L3MBTL3: variants seen among roughly 807,000 people sequenced by gnomAD.
L3MBTL3 encodes lethal(3)malignant brain tumor-like protein 3.
In L3MBTL3, 27 loss-of-function variants were observed where a neutral mutation model predicts 102.3. The ratio of observed to expected loss-of-function variants is 0.26; its 90% CI spans 0.19 to 0.36. The LOEUF (loss-of-function observed/expected upper bound fraction) is 0.36, where lower values mean the gene tolerates loss of function less well. Among genes scored for constraint, L3MBTL3 ranks in the 10% least tolerant of loss-of-function variants. The probability of loss-of-function intolerance (pLI) is 1.00; values close to 1 mark genes in which losing one functional copy is unlikely to be tolerated. For synonymous variants in L3MBTL3, 340 were observed against 320.9 expected, an observed-to-expected ratio of 1.06 and a Z score of -0.64; for missense variants, 798 against 955.3, an observed-to-expected ratio of 0.84 and a Z score of 2.17.
chr6:130,055,394 A>G, intron 8 of L3MBTL3, 139 bp downstream of exon 8: 1 of 648,070 alleles, frequency 1.5e-6, no homozygotes, highest in Middle Eastern at 2.7e-4. Flanking sequence ...AAGATTTGAG[A>G]TTTTGAGGAT....
intron 8 of L3MBTL3, 85 bp downstream of exon 8, chr6:130,055,340 T>C: frequency 1.1e-6 from 1 of 933,504 alleles, no homozygotes; most frequent in South Asian, 1.6e-5. Context: ...TCATGCCACT[T>C]AAAGTATTAC....
chr6:130,077,573 T>G (rs2115058418), intron 13 of L3MBTL3, among the ~76,000 whole-genome samples: 1 of 152,366 alleles, frequency 6.6e-6, no homozygotes, highest in Admixed American at 6.5e-5. Context: ...CAATGTATTA[T>G]TGTCCCAGGC....
At chr6:130,110,123 A>G (rs1266967737) in intron 19 of L3MBTL3, among the ~76,000 whole-genome samples, 4 of 152,168 alleles carry the variant, frequency 2.6e-5, no homozygotes. Context: ...GTTTGAAGTC[A>G]GGTAGTGTGA....
In L3MBTL3 at chr6:130,066,286, G is replaced by GTGTATATATATATATATATA. The variant is rs1554227522; in HGVS notation, c.865-66_865-65insGTATATATATATATATATAT. 2.8e-5 allele frequency: 11 copies of GTGTATATATATATATATATA among 387,692 alleles called. 1 individual carries two copies. The highest frequency in any genetic ancestry group is 5.5e-5 in the Admixed American group (1 of 18,240). 24.0% of individuals were successfully genotyped at this position (387,692 alleles called of 1,614,324 possible). A position where few individuals can be genotyped will look rare whatever the true frequency, so the allele number is the denominator to read the frequency against. The stretch of plus-strand genomic sequence containing the variant: ...GCCTGGTGTCCATGTTTATTTTTGT[G>GTGTATATATATATATATATA]TATATATATATATATATGAATATTC... On this transcript the variant is annotated intron_variant, in intron 10 of 22. Coordinates refer to ENST00000361794, the MANE Select transcript of L3MBTL3 (RefSeq NM_032438.4).
intron 19 of L3MBTL3, among the ~76,000 whole-genome samples, chr6:130,117,577 C>A (rs1286461997): frequency 6.6e-6 from 1 of 152,152 alleles, no homozygotes; most frequent in Admixed American, 6.6e-5. Flanking sequence ...AATTCTAGAA[C>A]AAGGATTTCA....
chr6:130,025,024 C>T (rs1343526283), intron 2 of L3MBTL3, among the ~76,000 whole-genome samples: 1 of 152,084 alleles, frequency 6.6e-6, no homozygotes, highest in Non-Finnish European at 1.5e-5. Context: ...AGCCCTTCAC[C>T]CACAGTCAAG....
intron 20 of L3MBTL3, among the ~76,000 whole-genome samples, chr6:130,123,585 C>T (rs1258721551): frequency 6.6e-6 from 1 of 152,126 alleles, no homozygotes; most frequent in Non-Finnish European, 1.5e-5. Flanking sequence ...GTTTCTGAAA[C>T]ATTTTGAATA....
At chr6:130,109,747 T>C (rs1785234916) in intron 19 of L3MBTL3, among the ~76,000 whole-genome samples, 2 of 152,206 alleles carry the variant, frequency 1.3e-5, no homozygotes, top group Non-Finnish European at 2.9e-5. Flanking sequence ...TTTGTTGCAG[T>C]TGCTTTTGGT....
In L3MBTL3 at chr6:130,140,060, G is replaced by C. The variant is rs973301488; in HGVS notation, c.*307G>C. 1 of 174,942 alleles carries C rather than the reference G, an allele frequency of 5.7e-6. No homozygotes were observed. Among genetic ancestry groups the C allele is most frequent in the Non-Finnish European group, 1.2e-5 (1 of 85,524 alleles). The allele number at this position is 174,942 out of a possible 1,614,324, so 10.8% of individuals were successfully genotyped here. A position where few individuals can be genotyped will look rare whatever the true frequency, so the allele number is the denominator to read the frequency against. ...GGCTTCATTAATTATTTATGGTAATGGGGGGCAGAGTAAGAACTTTTGGCA... is the reference window on the plus strand; with the variant it reads ...GGCTTCATTAATTATTTATGGTAATCGGGGGCAGAGTAAGAACTTTTGGCA... On this transcript the variant is annotated 3_prime_UTR_variant, in exon 23 of 23. Transcript: ENST00000361794.
chr6:130,075,874 C>T (rs951403883), intron 13 of L3MBTL3, among the ~76,000 whole-genome samples: 49 of 152,112 alleles, frequency 3.2e-4, no homozygotes, highest in Non-Finnish European at 5.7e-4. Flanking sequence ...AAATTTGATA[C>T]GAGGGTGATG....
At chr6:130,036,868 G>T (rs1407238597) in intron 2 of L3MBTL3, among the ~76,000 whole-genome samples, 1 of 152,090 alleles carries the variant, frequency 6.6e-6, no homozygotes, top group Non-Finnish European at 1.5e-5. Context: ...CCAGATTTTC[G>T]GAGGAGAACA....
In L3MBTL3 at chr6:130,058,151, A is replaced by G. The variant is rs1371605782; in HGVS notation, c.759+654A>G. Among the ~76,000 whole-genome samples, 81 of 22,708 alleles carry G rather than the reference A, an allele frequency of 3.6e-3. 1 individual carries two copies. Among genetic ancestry groups the G allele is most frequent in the African/African-American group, 4.4e-3 (79 of 18,096 alleles). The allele number at this position is 22,708 out of a possible 152,430, so 14.9% of individuals were successfully genotyped here. ...GGCAACAGAGCAAGACTCCGTCTCAAAAAAAAAAAAAAAAAAAAAAAAAAA... is the reference window on the plus strand; with the variant it reads ...GGCAACAGAGCAAGACTCCGTCTCAGAAAAAAAAAAAAAAAAAAAAAAAAA... On this transcript the variant is annotated intron_variant, in intron 9 of 22. Transcript: ENST00000361794.
chr6:130,106,363 T>C (rs1296254537), intron 19 of L3MBTL3, among the ~76,000 whole-genome samples: 2 of 152,166 alleles, frequency 1.3e-5, no homozygotes, highest in East Asian at 3.8e-4. Flanking sequence ...TCCCATCCTC[T>C]CTCTGGGGTT....
intron 8 of L3MBTL3, among the ~76,000 whole-genome samples, chr6:130,055,580 T>TTCTCTCCC (rs1418136591): frequency 1.8e-5 from 1 of 56,632 alleles, no homozygotes; most frequent in Non-Finnish European, 3.2e-5. Context: ...CCCTCCCTCC[T>TTCTCTCCC]TCTCTCCCTC....
intron 14 of L3MBTL3, among the ~76,000 whole-genome samples, chr6:130,083,183 A>G (rs1264868721): frequency 6.6e-6 from 1 of 152,144 alleles, no homozygotes; most frequent in East Asian, 1.9e-4. Context: ...TAAATCTACC[A>G]TGTTCTTTTT....
chr6:130,051,340 C>CCA lies in L3MBTL3; in HGVS notation c.381_382insCA (p.Asn128GlnfsTer3). ...TCTGTGAGAACTGTTGTCAGTATGG[C>CCA]AACGTAGATGAGTGTCTTTCTGGAG... On this transcript the variant is annotated frameshift_variant, in exon 6 of 23. Transcript: ENST00000361794. LOFTEE classifies it high-confidence loss of function. The CCA allele has an allele frequency of 6.2e-7, 1 of 1,613,918 alleles. No homozygotes were observed. The highest frequency in any genetic ancestry group is 8.5e-7 in the Non-Finnish European group (1 of 1,179,778).
At chr6:130,059,261 A>G (rs150783260) in intron 9 of L3MBTL3, among the ~76,000 whole-genome samples, 2 of 152,324 alleles carry the variant, frequency 1.3e-5, no homozygotes, top group Non-Finnish European at 2.9e-5. Context: ...GGAAAATTAT[A>G]TGTTCATATA....
chr6:130,020,434 T>A (rs1321810514), intron 1 of L3MBTL3: 1 of 152,088 alleles, frequency 6.6e-6, no homozygotes, highest in Admixed American at 6.5e-5. Context: ...AAAACTTTAA[T>A]TACCTTTAAA....
At chr6:130,063,529 G>A (rs1782047312) in intron 10 of L3MBTL3, among the ~76,000 whole-genome samples, 3 of 152,148 alleles carry the variant, frequency 2.0e-5, no homozygotes, top group Non-Finnish European at 4.4e-5. Flanking sequence ...GGGAAATAGA[G>A]GGTTAGCTTC....
Sources: gnomAD v4.1 joint callset for allele counts (sites outside exome capture counted in the v4.1 genomes callset) on GRCh38, gnomAD v4.1.1 for gene constraint, MANE v1.5 for transcripts, NCBI Gene and HGNC (gene_info 2026-07-23, HGNC 2026-07-21) for gene names.